Variants in CADM1 observed in about 807,000 individuals in gnomAD.
CADM1 encodes TSLC-1.
Under a neutral mutation model 53.1 loss-of-function variants are expected in CADM1, and 15 were observed. The ratio of observed to expected loss-of-function variants is 0.28; its 90% CI spans 0.19 to 0.44. CADM1 has a LOEUF of 0.44. CADM1 is among the 20% of genes least tolerant of loss of function. CADM1 has a pLI of 1.00. For synonymous variants in CADM1, 281 were observed against 243.0 expected (o/e 1.16, Z -1.45); for missense variants, 434 against 611.3 (o/e 0.71, Z 3.06).
At chr11:115,183,753 C>T (rs1218974362) in intron 10 of CADM1, among the ~76,000 whole-genome samples, 1 of 152,094 alleles carries the variant, frequency 6.6e-6, no homozygotes, top group East Asian at 1.9e-4. Flanking sequence ...CAACATGGCG[C>T]TTAAACGCAC....
intron 1 of CADM1, among the ~76,000 whole-genome samples, chr11:115,272,533 C>T (rs1330107126): frequency 6.6e-6 from 1 of 152,068 alleles, no homozygotes; most frequent in Non-Finnish European, 1.5e-5. Flanking sequence ...TTTTAACTCT[C>T]CAGCATTCCA....
At chr11:115,214,460 G>T (rs1941090323) in intron 7 of CADM1, 148 bp downstream of exon 7, 1 of 729,184 alleles carries the variant, frequency 1.4e-6, no homozygotes, top group Non-Finnish European at 2.4e-6. Flanking sequence ...AGACACTAGG[G>T]TCCACCTCAG....
Position 115,176,407 on chromosome 11 carries a change from A to G in CADM1, c.*67T>C. 2 of 1,608,502 alleles carry G rather than the reference A, an allele frequency of 1.2e-6. No homozygotes were observed. The highest frequency in any genetic ancestry group is 2.2e-5 in the East Asian group (1 of 44,586). On this transcript the variant is annotated 3_prime_UTR_variant, in exon 12 of 12. Coordinates refer to ENST00000331581, the MANE Select transcript of CADM1 (RefSeq NM_001301043.2). ...AACACACGAATTTCTCGCAAGTTCC[A>G]ATATCACTGTCTCTTTATCATCTAA...
Position 115,328,666 on chromosome 11 carries a change from C to CTA in CADM1, c.125-88248_125-88247dup, listed in dbSNP as rs1199680164. 1.6e-3 allele frequency among the ~76,000 whole-genome samples: 78 copies of CTA among 50,268 alleles called. 4 individuals carry two copies. Among genetic ancestry groups the CTA allele is most frequent in the South Asian group, 7.8e-3 (9 of 1,158 alleles). The allele number at this position is 50,268 out of a possible 152,430, so 33.0% of individuals were successfully genotyped here. ...ATAAATATATATATACACACGCACACTATATATATATGTGTATATATATGT... is the reference window on the plus strand; with the variant it reads ...ATAAATATATATATACACACGCACACTATATATATATATGTGTATATATATGT... On this transcript the variant is annotated intron_variant, in intron 1 of 11. Transcript: ENST00000331581.
intron 1 of CADM1, among the ~76,000 whole-genome samples, chr11:115,271,619 T>C (rs966492777): frequency 2.0e-4 from 31 of 152,226 alleles, no homozygotes; most frequent in African/African-American, 7.2e-4. Context: ...ATACTCTATA[T>C]TGCTATATAA....
At chr11:115,272,529 C>G (rs902171639) in intron 1 of CADM1, among the ~76,000 whole-genome samples, 1 of 152,050 alleles carries the variant, frequency 6.6e-6, no homozygotes, top group Admixed American at 6.5e-5. Context: ...AAACTTTTAA[C>G]TCTCCAGCAT....
chr11:115,280,867 C>T (rs904331977), intron 1 of CADM1, among the ~76,000 whole-genome samples: 2 of 152,286 alleles, frequency 1.3e-5, no homozygotes, highest in Admixed American at 6.5e-5. Context: ...TGATTAATGA[C>T]GAGGAATTCT....
chr11:115,332,233 T>C (rs1344689700), intron 1 of CADM1, among the ~76,000 whole-genome samples: 4 of 152,012 alleles, frequency 2.6e-5, no homozygotes, highest in African/African-American at 9.7e-5. Context: ...GAACAAGGAA[T>C]GGAACAAGGA....
At chr11:115,239,851 A>G (rs146720367) in intron 2 of CADM1, among the ~76,000 whole-genome samples, 16 of 152,170 alleles carry the variant, frequency 1.1e-4, no homozygotes, top group African/African-American at 3.9e-4. Flanking sequence ...GCATGTGGAC[A>G]CTTCTATATG....
At chr11:115,337,842 A>C (rs1441088224) in intron 1 of CADM1, among the ~76,000 whole-genome samples, 1 of 152,176 alleles carries the variant, frequency 6.6e-6, no homozygotes, top group Non-Finnish European at 1.5e-5. Context: ...ATGTTATGAG[A>C]GGGTCATACT....
In CADM1 at chr11:115,192,225, A is replaced by G. The variant is rs144740903; in HGVS notation, c.1112-1284T>C. ...CAAACGAACATTGATAGCCAGGTCA[A>G]TTCTGTGAAAGACGGCTGTCACACC... On this transcript the variant is annotated intron_variant, in intron 9 of 11. Coordinates refer to ENST00000331581, the MANE Select transcript of CADM1 (RefSeq NM_001301043.2). Among the ~76,000 whole-genome samples the G allele has an allele frequency of 2.6e-4, 40 of 152,352 alleles. No homozygotes were observed. In the East Asian group the frequency reaches 6.9e-3, roughly 26 times the overall value.
At chr11:115,205,566 T>G (rs1940634389) in intron 8 of CADM1, among the ~76,000 whole-genome samples, 1 of 152,178 alleles carries the variant, frequency 6.6e-6, no homozygotes, top group Non-Finnish European at 1.5e-5. Flanking sequence ...TGGCTGGCTG[T>G]CTCCACTTTT....
At chr11:115,387,823 G>T (rs1340490585) in intron 1 of CADM1, among the ~76,000 whole-genome samples, 2 of 151,780 alleles carry the variant, frequency 1.3e-5, no homozygotes, top group Non-Finnish European at 2.9e-5. Flanking sequence ...TCCTAAAAAA[G>T]GCCTAGAATC....
At chr11:115,266,956 C>A (rs1943157892) in intron 1 of CADM1, among the ~76,000 whole-genome samples, 1 of 152,220 alleles carries the variant, frequency 6.6e-6, no homozygotes, top group African/African-American at 2.4e-5. Flanking sequence ...ATACAAGTTA[C>A]TCTGCGATTA....
At chr11:115,305,043 A>G (rs940857605) in intron 1 of CADM1, among the ~76,000 whole-genome samples, 3 of 152,060 alleles carry the variant, frequency 2.0e-5, no homozygotes, top group Non-Finnish European at 4.4e-5. Flanking sequence ...CCATGCACGA[A>G]ATAGACACCT....
rs1339068401 is a variant in CADM1 at position 115,175,530 on chromosome 11, C to T, written c.*944G>A. 7 of 985,544 alleles carry T rather than the reference C, an allele frequency of 7.1e-6. No individual in the cohort carries two copies. The highest frequency in any genetic ancestry group is 1.7e-5 in the African/African-American group (1 of 57,354). 61.0% of individuals were successfully genotyped at this position (985,544 alleles called of 1,614,324 possible). A position where few individuals can be genotyped will look rare whatever the true frequency, so the allele number is the denominator to read the frequency against. On this transcript the variant is annotated 3_prime_UTR_variant, in exon 12 of 12. Coordinates refer to ENST00000331581, the MANE Select transcript of CADM1 (RefSeq NM_001301043.2). Reference sequence around the variant, plus strand: ...ACCAGAGCAGAACTGTATTTCCCCCCTCCCTACTTCCCCTCCTGTGGCAAC... The same window carrying T: ...ACCAGAGCAGAACTGTATTTCCCCCTTCCCTACTTCCCCTCCTGTGGCAAC...
At chr11:115,281,495 A>G (rs1052654271) in intron 1 of CADM1, among the ~76,000 whole-genome samples, 7 of 152,214 alleles carry the variant, frequency 4.6e-5, no homozygotes, top group Non-Finnish European at 5.9e-5. Context: ...CCATTTTTCT[A>G]TTATAAATTT....
At chr11:115,499,681 TAGTTCAACTGC>T (rs1203463358) in intron 1 of CADM1, among the ~76,000 whole-genome samples, 1 of 152,258 alleles carries the variant, frequency 6.6e-6, no homozygotes, top group East Asian at 1.9e-4. Context: ...AACCTAGCCT[TAGTTCAACTGC>T]AGAGTAAGAT....
intron 1 of CADM1, among the ~76,000 whole-genome samples, chr11:115,320,181 G>T (rs1944784533): frequency 1.3e-5 from 2 of 151,988 alleles, no homozygotes; most frequent in Non-Finnish European, 2.9e-5. Context: ...TCTCACCTCA[G>T]GCTCCCGAGC....
Sources: gnomAD v4.1 joint callset for allele counts (sites outside exome capture counted in the v4.1 genomes callset) on GRCh38, gnomAD v4.1.1 for gene constraint, MANE v1.5 for transcripts, NCBI Gene and HGNC (gene_info 2026-07-23, HGNC 2026-07-21) for gene names.